Variants in HTR7 observed in about 807,000 individuals in gnomAD.
The protein encoded by HTR7 is 5-hydroxytryptamine receptor 7.
In HTR7, 16 loss-of-function variants were observed where a neutral mutation model predicts 34.0. The observed-to-expected ratio is 0.47, with a 90% CI of 0.32 to 0.71. HTR7 has a LOEUF of 0.71. Among genes scored for constraint, HTR7 ranks in the 30% least tolerant of loss-of-function variants. HTR7 has a pLI of 0.04. For synonymous variants in HTR7, 265 were observed against 260.2 expected, an observed-to-expected ratio of 1.02 and a Z score of -0.18; for missense variants, 504 against 625.5, an observed-to-expected ratio of 0.81 and a Z score of 2.07.
chr10:90,778,170 G>A (rs1188846477), intron 1 of HTR7, among the ~76,000 whole-genome samples: 1 of 152,200 alleles, frequency 6.6e-6, no homozygotes, highest in Non-Finnish European at 1.5e-5. Flanking sequence ...GCTATGGTTT[G>A]AATGTCTGTC....
At chr10:90,789,907 T>C (rs1187685087) in intron 1 of HTR7, among the ~76,000 whole-genome samples, 2 of 152,130 alleles carry the variant, frequency 1.3e-5, no homozygotes, top group Non-Finnish European at 2.9e-5. Flanking sequence ...CCATCCTGGG[T>C]TTGTTATGAG....
chr10:90,833,836 A>G (rs1458052655), intron 1 of HTR7, among the ~76,000 whole-genome samples: 1 of 152,364 alleles, frequency 6.6e-6, no homozygotes, highest in South Asian at 2.1e-4. Context: ...AAATAAAATT[A>G]AATCTAAATG....
intron 1 of HTR7, among the ~76,000 whole-genome samples, chr10:90,773,974 T>C (rs1047212175): frequency 2.0e-5 from 3 of 152,150 alleles, no homozygotes; most frequent in Non-Finnish European, 4.4e-5. Context: ...TTTTTTCCGA[T>C]CTGCCAACTA....
At chr10:90,830,342 G>A (rs1340343458) in intron 1 of HTR7, among the ~76,000 whole-genome samples, 1 of 152,182 alleles carries the variant, frequency 6.6e-6, no homozygotes, top group African/African-American at 2.4e-5. Flanking sequence ...CAAACCACTT[G>A]CTTACACAGC....
In HTR7 at chr10:90,749,120, C is replaced by G. The variant is rs751517536; in HGVS notation, c.1014G>C (p.Val338=). The G allele has an allele frequency of 3.1e-6, 5 of 1,614,072 alleles. No homozygotes were observed. In the Admixed American group the frequency reaches 6.7e-5, roughly 22 times the overall value. The change falls in exon 2 of 4, where the codon GTG becomes GTC. Residue 338 remains valine (V), a synonymous_variant. Transcript: ENST00000336152. The surrounding 1 kb of genome is among the most constrained non-coding windows in gnomAD (Gnocchi z 4.2). ...TLGIIVGAFT[V]CWLPFFLLST... is the part of the protein sequence containing the mutation. ...AGAGGAGGAAAAATGGCAGCCAGCA[C>G]ACGGTAAAGGCCCCGACGATGATCC...
chr10:90,801,174 G>C (rs1228885842), intron 1 of HTR7, among the ~76,000 whole-genome samples: 2 of 152,212 alleles, frequency 1.3e-5, no homozygotes, highest in Non-Finnish European at 2.9e-5. Flanking sequence ...CTCCAGGTAA[G>C]GAGCTGGTTT....
At chr10:90,797,029 G>A (rs1487603289) in intron 1 of HTR7, among the ~76,000 whole-genome samples, 6 of 149,252 alleles carry the variant, frequency 4.0e-5, no homozygotes, top group East Asian at 1.9e-4. Context: ...AAAAAAAACC[G>A]ACAAATTTTA....
Position 90,808,385 on chromosome 10 carries a change from A to G in HTR7, c.539+48748T>C, listed in dbSNP as rs113568924. Among the ~76,000 whole-genome samples, 7 of 151,822 alleles carry G rather than the reference A, an allele frequency of 4.6e-5. 1 individual carries two copies. The highest frequency in any genetic ancestry group is 1.7e-4 in the African/African-American group (7 of 41,366). ...CTCTTCTCCGCCTTTCTGGGGGGCA[A>G]GAAACTCCCAACCCCTTCTCCTTCA... On this transcript the variant is annotated intron_variant, in intron 1 of 3. Coordinates refer to ENST00000336152, the MANE Select transcript of HTR7 (RefSeq NM_019859.4).
intron 1 of HTR7, among the ~76,000 whole-genome samples, chr10:90,800,924 G>T (rs554883322): frequency 9.9e-5 from 15 of 152,076 alleles, no homozygotes; most frequent in African/African-American, 3.6e-4. Flanking sequence ...TAACTCTGAC[G>T]GGATCTCAGG....
At position 90,785,136 on chromosome 10, in the gene HTR7, G is replaced by A. The variant is rs1280319740; in HGVS notation, c.540-35542C>T. Among the ~76,000 whole-genome samples, 4 of 152,284 alleles carry A rather than the reference G, an allele frequency of 2.6e-5. No homozygotes were observed. In the East Asian group the frequency reaches 7.7e-4, roughly 29 times the overall value. ...TTTGTCTGGATTCCCAGTAATATAA[G>A]ACGCATTAGCACAAGAACTGTGTTT... On this transcript the variant is annotated intron_variant, in intron 1 of 3. Transcript: ENST00000336152.
At chr10:90,829,002 A>T (rs1284986101) in intron 1 of HTR7, among the ~76,000 whole-genome samples, 1 of 152,180 alleles carries the variant, frequency 6.6e-6, no homozygotes, top group Non-Finnish European at 1.5e-5. Flanking sequence ...ATCCTCAAAA[A>T]AATCTTGCAA....
chr10:90,743,562 T>C (rs780239800), intron 3 of HTR7, 31 bp downstream of exon 3: 1 of 1,529,638 alleles, frequency 6.5e-7, no homozygotes, highest in African/African-American at 1.4e-5. Flanking sequence ...CACAGCACTA[T>C]CTCCAAAGTC....
At chr10:90,826,149 A>G (rs1311149176) in intron 1 of HTR7, among the ~76,000 whole-genome samples, 1 of 152,210 alleles carries the variant, frequency 6.6e-6, no homozygotes, top group Non-Finnish European at 1.5e-5. Flanking sequence ...TATGTCTGGC[A>G]GCAGACTTTT....
intron 1 of HTR7, among the ~76,000 whole-genome samples, chr10:90,819,303 C>G (rs1845942676): frequency 6.6e-6 from 1 of 152,028 alleles, no homozygotes; most frequent in Admixed American, 6.6e-5. Context: ...TGAAATTATA[C>G]CTTACTGAAG....
chr10:90,745,262 T>C (rs1043948219), intron 2 of HTR7, among the ~76,000 whole-genome samples: 15 of 152,192 alleles, frequency 9.9e-5, no homozygotes, highest in African/African-American at 2.4e-4. Context: ...ATAGATTCCA[T>C]GTCTGGTGAG....
intron 1 of HTR7, among the ~76,000 whole-genome samples, chr10:90,798,461 A>G (rs1283821402): frequency 5.9e-5 from 9 of 152,154 alleles, no homozygotes; most frequent in Non-Finnish European, 8.8e-5. Flanking sequence ...ACACTGACTC[A>G]TGCCTGGTGC....
intron 1 of HTR7, among the ~76,000 whole-genome samples, chr10:90,817,729 C>G (rs1845918339): frequency 6.6e-6 from 1 of 152,218 alleles, no homozygotes; most frequent in African/African-American, 2.4e-5. Context: ...GTGCCTTAAT[C>G]ACTCATTTCG....
At chr10:90,783,672 T>C (rs112155585) in intron 1 of HTR7, among the ~76,000 whole-genome samples, 221 of 152,360 alleles carry the variant, frequency 1.5e-3, no homozygotes, top group African/African-American at 5.0e-3. Flanking sequence ...ATAATGCTAC[T>C]AGAAATAAAC....
At chr10:90,759,165 C>A (rs1456537961) in intron 1 of HTR7, among the ~76,000 whole-genome samples, 4 of 132,010 alleles carry the variant, frequency 3.0e-5, no homozygotes, top group Non-Finnish European at 4.8e-5. Context: ...CCAGCCTGGG[C>A]AACAAGAGTG....
Sources: allele counts gnomAD v4.1 joint callset (sites outside exome capture counted in the v4.1 genomes callset), GRCh38; gene constraint gnomAD v4.1.1; non-coding constraint Gnocchi (gnomAD v3.1); transcripts MANE v1.5; gene names NCBI Gene and HGNC (gene_info 2026-07-23, HGNC 2026-07-21).